Variants in FRMPD4 observed in about 807,000 individuals in gnomAD.
FRMPD4 encodes FERM and PDZ domain-containing protein 4.
Under a neutral mutation model 94.1 loss-of-function variants are expected in FRMPD4, and 22 were observed. The ratio of observed to expected loss-of-function variants is 0.23; its 90% CI spans 0.17 to 0.33. The LOEUF is 0.33. Ranked by LOEUF, FRMPD4 falls within the 10% of genes least tolerant of loss-of-function variation. The pLI is 1.00. For missense variants in FRMPD4, 1,111 were observed against 1,339.9 expected (o/e 0.83, Z 2.67); for synonymous variants, 631 against 548.6 (o/e 1.15, Z -2.10).
At chrX:12,230,450 A>G (rs6640940) in intron 1 of FRMPD4, among the ~76,000 whole-genome samples, 17,360 of 110,897 alleles carry the variant, frequency 0.16, 1,299 homozygotes, top group East Asian at 0.49. Context: ...CAGTGTCTCC[A>G]TCATGTTTTT....
intron 1 of FRMPD4, among the ~76,000 whole-genome samples, chrX:12,329,871 A>AC (rs1182830427): frequency 2.7e-5 from 3 of 109,303 alleles, no homozygotes; most frequent in African/African-American, 1.0e-4. Context: ...AAAAAAAAAA[A>AC]AAACAACAAC....
intron 1 of FRMPD4, among the ~76,000 whole-genome samples, chrX:12,294,736 T>C: frequency 9.0e-6 from 1 of 111,621 alleles, no homozygotes; most frequent in Middle Eastern, 4.6e-3. Context: ...ACCCTAGTCA[T>C]TGCTATATCC....
intron 3 of FRMPD4, among the ~76,000 whole-genome samples, chrX:11,952,333 G>A (rs1403206553): frequency 1.8e-5 from 2 of 112,098 alleles, no homozygotes; most frequent in East Asian, 5.6e-4. Context: ...TCTTGAAGCC[G>A]CAAAATCAAC....
At chrX:11,957,119 C>T (rs755015215) in intron 3 of FRMPD4, among the ~76,000 whole-genome samples, 1 of 112,166 alleles carries the variant, frequency 8.9e-6, no homozygotes, top group Admixed American at 9.5e-5. Flanking sequence ...TAACAACTTC[C>T]TAGGCAGAAC....
At chrX:12,055,889 G>A (rs185612287) in intron 3 of FRMPD4, among the ~76,000 whole-genome samples, 1 of 111,603 alleles carries the variant, frequency 9.0e-6, no homozygotes, top group Non-Finnish European at 1.9e-5. Flanking sequence ...CACTTAAAAC[G>A]ATAAGTATTC....
intron 2 of FRMPD4, among the ~76,000 whole-genome samples, chrX:12,527,298 G>C (rs1442061639): frequency 9.0e-6 from 1 of 111,224 alleles, no homozygotes; most frequent in Non-Finnish European, 1.9e-5. Flanking sequence ...TCCTCACCTA[G>C]AGAACTCACT....
At chrX:12,654,625 G>A (rs967480055) in intron 4 of FRMPD4, among the ~76,000 whole-genome samples, 3 of 111,723 alleles carry the variant, frequency 2.7e-5, no homozygotes, top group Non-Finnish European at 5.6e-5. Flanking sequence ...GTTCTACCAT[G>A]TAATAGCTGT....
intron 2 of FRMPD4, among the ~76,000 whole-genome samples, chrX:12,581,449 G>T (rs867473872): frequency 3.2e-4 from 4 of 12,614 alleles, no homozygotes; most frequent in African/African-American, 7.5e-4. Context: ...AGAACTGAAA[G>T]ATATCTGAAA....
At chrX:12,468,021 A>G (rs1025891782) in intron 1 of FRMPD4, among the ~76,000 whole-genome samples, 9 of 112,362 alleles carry the variant, frequency 8.0e-5, no homozygotes, top group African/African-American at 2.9e-4. Flanking sequence ...CAGGGCATAG[A>G]GTAACAAATG....
intron 4 of FRMPD4, among the ~76,000 whole-genome samples, chrX:12,642,902 C>CA (rs1412431317): frequency 9.0e-6 from 1 of 110,820 alleles, no homozygotes; most frequent in African/African-American, 3.3e-5. Flanking sequence ...GACCCTGTCT[C>CA]AAAAAAAGGA....
intron 1 of FRMPD4, among the ~76,000 whole-genome samples, chrX:12,491,284 G>A (rs1480188288): frequency 4.5e-5 from 5 of 111,960 alleles, no homozygotes; most frequent in South Asian, 7.5e-4. Context: ...ATTTAAATAC[G>A]CAAGAATTTA....
chrX:11,905,060 G>T lies in FRMPD4; in HGVS notation c.95+27042G>T, dbSNP rs138496907. 5.2e-3 allele frequency among the ~76,000 whole-genome samples: 587 copies of T among 112,073 alleles called. 4 individuals are homozygous for T. Among genetic ancestry groups the T allele is most frequent in the African/African-American group, 0.018 (567 of 30,810 alleles). Reference sequence around the variant, plus strand: ...GTCTAAGCTGGTGGTGTAAATCAGTGCATGGCAATTAAATGTCCCTTGGAC... The same window carrying T: ...GTCTAAGCTGGTGGTGTAAATCAGTTCATGGCAATTAAATGTCCCTTGGAC... On this transcript the variant is annotated intron_variant, in intron 3 of 18. Coordinates refer to the FRMPD4 transcript ENST00000640291.
intron 1 of FRMPD4, among the ~76,000 whole-genome samples, chrX:12,454,155 A>G (rs189140135): frequency 8.9e-6 from 1 of 112,344 alleles, no homozygotes; most frequent in Admixed American, 9.4e-5. Flanking sequence ...CAGATTCATA[A>G]GTTTCTATGT....
At position 12,471,434 on chromosome X, in the gene FRMPD4, T is replaced by G. The variant is rs1175581115; in HGVS notation, c.42-27246T>G. Among the ~76,000 whole-genome samples the G allele has an allele frequency of 3.6e-5, 4 of 111,802 alleles. No individual in the cohort carries two copies. The Admixed American group carries it at 3.8e-4, about 11-fold the overall frequency. On this transcript the variant is annotated intron_variant, in intron 1 of 16. Coordinates refer to ENST00000675598, the MANE Select transcript of FRMPD4 (RefSeq NM_001368397.1). ...CTGATACAGTTTTAAAGAACTTCAC[T>G]AAAGTTTAAGGAGTAGAGGTCAGGG... is the stretch of plus-strand genomic sequence containing the variant.
intron 1 of FRMPD4, among the ~76,000 whole-genome samples, chrX:12,463,734 G>A (rs1406967117): frequency 1.0e-5 from 1 of 96,217 alleles, no homozygotes; most frequent in African/African-American, 3.9e-5. Flanking sequence ...ATAAGGGTGT[G>A]AGGGCAGGTA....
chrX:12,588,180 G>A (rs757814578), intron 2 of FRMPD4, among the ~76,000 whole-genome samples: 1 of 111,272 alleles, frequency 9.0e-6, no homozygotes, highest in African/African-American at 3.3e-5. Context: ...TAGTAGAGAC[G>A]GGATTTCACC....
chrX:11,925,524 T>A (rs915182390), intron 3 of FRMPD4, among the ~76,000 whole-genome samples: 1 of 112,065 alleles, frequency 8.9e-6, no homozygotes, highest in African/African-American at 3.2e-5. Context: ...TCAGCAAATG[T>A]GAAAGAGTTG....
At chrX:12,217,731 C>T (rs2056823188) in intron 1 of FRMPD4, among the ~76,000 whole-genome samples, 1 of 112,063 alleles carries the variant, frequency 8.9e-6, no homozygotes, top group South Asian at 3.7e-4. Context: ...TATTGGAACG[C>T]AGTCATGCCC....
intron 2 of FRMPD4, among the ~76,000 whole-genome samples, chrX:12,556,635 G>C (rs772290291): frequency 1.8e-5 from 2 of 111,943 alleles, no homozygotes; most frequent in East Asian, 5.6e-4. Context: ...TGAGATAACA[G>C]ATATGCCTTG....
Sources: gnomAD v4.1 joint callset for allele counts (sites outside exome capture counted in the v4.1 genomes callset) on GRCh38, gnomAD v4.1.1 for gene constraint, MANE v1.5 for transcripts, NCBI Gene and HGNC (gene_info 2026-07-23, HGNC 2026-07-21) for gene names.